Variants in TVP23A observed in about 807,000 individuals in gnomAD.
TVP23A encodes Golgi apparatus membrane protein TVP23 homolog A.
A neutral mutation model predicts 31.7 loss-of-function variants in TVP23A; 21 were observed. The observed-to-expected ratio is 0.66, with a 90% CI of 0.47 to 0.95. The LOEUF is 0.95. Among genes scored for constraint, TVP23A ranks in the 40% least tolerant of loss-of-function variants. TVP23A has a pLI of 0.00. For missense variants in TVP23A, 279 were observed against 255.6 expected, an observed-to-expected ratio of 1.09 and a Z score of -0.62; for synonymous variants, 104 against 96.0, an observed-to-expected ratio of 1.08 and a Z score of -0.49.
At chr16:10,766,097 G>A (rs1339104609), downstream of TVP23A, 2 of 152,414 alleles carry the variant, frequency 1.3e-5, no homozygotes, top group Non-Finnish European at 1.5e-5. This position sits in a 1 kb window ranked among gnomAD's most constrained non-coding sequence, Gnocchi z 4.8. Context: ...TGGGGACATG[G>A]TGGCAAAGAG....
chr16:10,792,408 C>T (rs2033155340), intron 2 of TVP23A, among the ~76,000 whole-genome samples: 2 of 152,296 alleles, frequency 1.3e-5, no homozygotes, highest in South Asian at 2.1e-4. Flanking sequence ...TTCTCAGCCA[C>T]TTCTCCATCC....
chr16:10,761,426 C>T, exon 9 of TVP23A: 1 of 1,614,148 alleles, frequency 6.2e-7, no homozygotes, highest in Non-Finnish European at 8.5e-7. Context: ...AGCTGCCCAT[C>T]ATCGGGGTGG....
intron 2 of TVP23A, among the ~76,000 whole-genome samples, chr16:10,807,964 CAGCCTCCCT>C (rs934866155): frequency 2.0e-5 from 3 of 152,204 alleles, no homozygotes; most frequent in African/African-American, 7.2e-5. Context: ...CCTCTCACCT[CAGCCTCCCT>C]AGTAACTGGG....
Position 10,773,297 on chromosome 16 carries a change from C to A in TVP23A, c.453+16G>T. The A allele has an allele frequency of 6.3e-7, 1 of 1,584,634 alleles. No individual in the cohort carries two copies. The highest frequency in any genetic ancestry group is 1.2e-5 in the South Asian group (1 of 85,062). On this transcript the variant is annotated intron_variant, in intron 5 of 7. Transcript: ENST00000299866. ...AGAGACATCAAAGCAATGTGGAAGTCAAGATCTGGCCTTACCAGCCACTTT... is the reference window on the plus strand; with the variant it reads ...AGAGACATCAAAGCAATGTGGAAGTAAAGATCTGGCCTTACCAGCCACTTT...
chr16:10,773,323 A>G lies in TVP23A; in HGVS notation c.443T>C (p.Leu148Pro). ...AAGATCTGGCCTTACCAGCCACTTTAGCTTCAAGGAAAATAAGGTGCTAAA... is the reference window on the plus strand; with the variant it reads ...AAGATCTGGCCTTACCAGCCACTTTGGCTTCAAGGAAAATAAGGTGCTAAA... ...FFFSTLFSLK[L>P]KWLALVVAGI... is the part of the protein sequence containing the mutation. Residue 148 changes from leucine (L) to proline (P), a missense_variant, in exon 5 of 8, where the codon CTA becomes CCA. By Grantham distance (98) the Leu-to-Pro change is moderately conservative. Coordinates refer to ENST00000299866, the MANE Select transcript of TVP23A (RefSeq NM_001079512.4). 3 of 1,606,594 alleles carry G rather than the reference A, an allele frequency of 1.9e-6. No homozygotes were observed. The highest frequency in any genetic ancestry group is 1.7e-6 in the Non-Finnish European group (2 of 1,177,972).
intron 2 of TVP23A, among the ~76,000 whole-genome samples, chr16:10,782,199 C>A (rs1159384844): frequency 6.6e-6 from 1 of 152,058 alleles, no homozygotes; most frequent in Non-Finnish European, 1.5e-5. Context: ...TGTCATCAGA[C>A]CCTCAGCTGA....
intron 2 of TVP23A, among the ~76,000 whole-genome samples, chr16:10,792,499 C>T (rs2033160351): frequency 6.6e-6 from 1 of 152,208 alleles, no homozygotes; most frequent in African/African-American, 2.4e-5. Flanking sequence ...CTAGAATCTG[C>T]ACTTTAACGA....
At position 10,777,395 on chromosome 16, in the gene TVP23A, A is replaced by C. The variant is rs1026583199; in HGVS notation, c.90-2299T>G. On this transcript the variant is annotated intron_variant, in intron 2 of 7. Transcript: ENST00000299866. This position sits in a 1 kb window ranked among gnomAD's most constrained non-coding sequence, Gnocchi z 4.5. Reference sequence around the variant, plus strand: ...GCTTGCAACCTCTGGATTAGGTTACAAAATGTTGTGGGCTTTGGAAAATGC... The same window carrying C: ...GCTTGCAACCTCTGGATTAGGTTACCAAATGTTGTGGGCTTTGGAAAATGC... Among the ~76,000 whole-genome samples the C allele has an allele frequency of 5.3e-5, 8 of 152,250 alleles. No homozygotes were observed. In the South Asian group the frequency reaches 1.2e-3, roughly 24 times the overall value.
intron 2 of TVP23A, among the ~76,000 whole-genome samples, chr16:10,793,160 G>A (rs1337197104): frequency 1.3e-5 from 2 of 152,082 alleles, no homozygotes; most frequent in Non-Finnish European, 2.9e-5. Flanking sequence ...ATCGTGGCAC[G>A]CACCTGTAAT....
At chr16:10,771,928 C>T in intron 5 of TVP23A, 130 bp from the exon 6 acceptor site, 1 of 1,215,622 alleles carries the variant, frequency 8.2e-7, no homozygotes, top group Non-Finnish European at 1.1e-6. Flanking sequence ...ACACCATTCT[C>T]CTGCCTCAGC....
At chr16:10,807,291 C>T (rs2033991083) in intron 2 of TVP23A, among the ~76,000 whole-genome samples, 1 of 152,006 alleles carries the variant, frequency 6.6e-6, no homozygotes, top group Non-Finnish European at 1.5e-5. Context: ...GATGAGTGCC[C>T]ACCAAGGTGT....
intron 2 of TVP23A, among the ~76,000 whole-genome samples, chr16:10,814,951 C>A (rs1427925875): frequency 1.3e-5 from 2 of 152,178 alleles, no homozygotes; most frequent in Admixed American, 6.5e-5. Context: ...ACCCTAAATT[C>A]ATGACCTTAC....
At chr16:10,778,275 A>G (rs933371745) in intron 2 of TVP23A, among the ~76,000 whole-genome samples, 1 of 152,152 alleles carries the variant, frequency 6.6e-6, no homozygotes, top group African/African-American at 2.4e-5. Context: ...TGGAGGTTGC[A>G]GTGAGTCGAG....
rs762658687 is a variant in TVP23A, at chr16:10,769,002, G to A, written c.*100C>T. The A allele has an allele frequency of 3.8e-6, 6 of 1,567,658 alleles. No homozygotes were observed. Among genetic ancestry groups the A allele is most frequent in the Non-Finnish European group, 5.3e-6 (6 of 1,137,726 alleles). The stretch of plus-strand genomic sequence containing the variant: ...CAGCACAGGACAGGGCTGTCAAGGG[G>A]TAGACAAGCCATTAGCACTCTATGC... On this transcript the variant is annotated 3_prime_UTR_variant, in exon 8 of 8. Coordinates refer to ENST00000299866, the MANE Select transcript of TVP23A (RefSeq NM_001079512.4).
At position 10,777,490 on chromosome 16, in the gene TVP23A, A is replaced by G. The variant is rs548995860; in HGVS notation, c.90-2394T>C. Among the ~76,000 whole-genome samples the G allele has an allele frequency of 3.2e-4, 48 of 152,240 alleles. No homozygotes were observed. Among genetic ancestry groups the G allele is most frequent in the African/African-American group, 9.9e-4 (41 of 41,544 alleles). On this transcript the variant is annotated intron_variant, in intron 2 of 7. Transcript: ENST00000299866. The surrounding 1 kb of genome is among the most constrained non-coding windows in gnomAD (Gnocchi z 4.5). ...GGAAAGCGCCTGCTCATTCTCCCCA[A>G]GAAGAAACGGAGTCCGAGTCAACAA...
At chr16:10,789,939 T>C (rs72785633) in intron 2 of TVP23A, among the ~76,000 whole-genome samples, 1 of 152,258 alleles carries the variant, frequency 6.6e-6, no homozygotes, top group Non-Finnish European at 1.5e-5. Flanking sequence ...TTCTAGGCTA[T>C]AGATAAATTT....
At position 10,777,263 on chromosome 16, in the gene TVP23A, G is replaced by C. The variant is rs1206236633; in HGVS notation, c.90-2167C>G. On this transcript the variant is annotated intron_variant, in intron 2 of 7. Coordinates refer to ENST00000299866, the MANE Select transcript of TVP23A (RefSeq NM_001079512.4). The surrounding 1 kb of genome is among the most constrained non-coding windows in gnomAD (Gnocchi z 4.5). ...ACTGCCAGAGCCAAGATTTTCATGA[G>C]AAGTCAGAAATCCAGACTTGCAATG... Among the ~76,000 whole-genome samples, 1 of 152,190 alleles carries C rather than the reference G, an allele frequency of 6.6e-6. No individual in the cohort carries two copies. Among genetic ancestry groups the C allele is most frequent in the Non-Finnish European group, 1.5e-5 (1 of 68,042 alleles).
Position 10,809,703 on chromosome 16 carries a change from G to A in TVP23A, c.89+8400C>T, listed in dbSNP as rs185928096. 1.7e-3 allele frequency among the ~76,000 whole-genome samples: 252 copies of A among 152,284 alleles called. 1 individual carries two copies. Among genetic ancestry groups the A allele is most frequent in the African/African-American group, 5.7e-3 (235 of 41,558 alleles). On this transcript the variant is annotated intron_variant, in intron 2 of 7. Coordinates refer to ENST00000299866, the MANE Select transcript of TVP23A (RefSeq NM_001079512.4). ...GCTTGGGCCCAGAACTGTACTGTGG[G>A]GGTGCAGTCACTTGGCTAGGGAGTG...
intron 2 of TVP23A, among the ~76,000 whole-genome samples, chr16:10,813,625 T>C (rs552617521): frequency 2.0e-5 from 3 of 152,166 alleles, no homozygotes; most frequent in African/African-American, 4.8e-5. Flanking sequence ...GGATCCTTTT[T>C]CTAAAACAAC....
Sources: allele counts gnomAD v4.1 joint callset (sites outside exome capture counted in the v4.1 genomes callset), GRCh38; gene constraint gnomAD v4.1.1; non-coding constraint Gnocchi (gnomAD v3.1); transcripts MANE v1.5; gene names NCBI Gene and HGNC (gene_info 2026-07-23, HGNC 2026-07-21).